Variants in KCNQ1OT1 observed in about 807,000 individuals in gnomAD.
KCNQ1OT1 encodes the protein KCNQ1 antisense RNA 2 (non-protein coding).
At chr11:2,694,665 G>T (rs1364236016) in exon 1 of KCNQ1OT1, 1 of 398,478 alleles carries the variant, frequency 2.5e-6, no homozygotes, top group African/African-American at 2.1e-5. Flanking sequence ...ACCATGTGCG[G>T]ACCCTATACG....
rs770291429 is a variant in KCNQ1OT1, at chr11:2,623,318, G to C, written n.76677C>G. 8 of 398,458 alleles carry C rather than the reference G, an allele frequency of 2.0e-5. No homozygotes were observed. Among genetic ancestry groups the C allele is most frequent in the Non-Finnish European group, 3.5e-5 (8 of 226,064 alleles). The allele number at this position is 398,458 out of a possible 1,614,324, so 24.7% of individuals were successfully genotyped here. A position where few individuals can be genotyped will look rare whatever the true frequency, so the allele number is the denominator to read the frequency against. On this transcript the variant is annotated non_coding_transcript_exon_variant, in exon 1 of 1. Transcript: ENST00000597346. The surrounding 1 kb of genome is among the most constrained non-coding windows in gnomAD (Gnocchi z 5.2). ...TAGTTCTTTATAGCACTGTGAGAAC[G>C]GACTAATATGCATGTATCTACCATT...
exon 1 of KCNQ1OT1, chr11:2,649,963 G>A (rs887847719): frequency 8.3e-5 from 33 of 398,280 alleles, no homozygotes; most frequent in Middle Eastern, 6.2e-4. Flanking sequence ...CATATGTCAC[G>A]CAGGCATTCT....
Position 2,608,617 on chromosome 11 carries a change from A to G in KCNQ1OT1, n.91378T>C, listed in dbSNP as rs1848921306. 2.5e-6 allele frequency: 1 copy of G among 398,434 alleles called. No homozygotes were observed. Among genetic ancestry groups the G allele is most frequent in the South Asian group, 1.3e-4 (1 of 7,858 alleles). The allele number at this position is 398,434 out of a possible 1,614,324, so 24.7% of individuals were successfully genotyped here. A position where few individuals can be genotyped will look rare whatever the true frequency, so the allele number is the denominator to read the frequency against. On this transcript the variant is annotated non_coding_transcript_exon_variant, in exon 1 of 1. Coordinates refer to ENST00000597346, the Ensembl canonical transcript of KCNQ1OT1. This position sits in a 1 kb window ranked among gnomAD's most constrained non-coding sequence, Gnocchi z 4.6. ...TAGCCTATGACAGGTGTGCACCACA[A>G]CACCAGCTGTTATTCAAAAAATATT...
In KCNQ1OT1 at chr11:2,690,105, G is replaced by A. The variant is rs553906406; in HGVS notation, n.9890C>T. ...GCACAGCAGGGACAATCGCTCTTCC[G>A]GGGTTAGAACTGGGGGAGCAGGGAC... On this transcript the variant is annotated non_coding_transcript_exon_variant, in exon 1 of 1. Coordinates refer to ENST00000597346, the Ensembl canonical transcript of KCNQ1OT1. The surrounding 1 kb of genome is among the most constrained non-coding windows in gnomAD (Gnocchi z 5.1). 586 of 398,932 alleles carry A rather than the reference G, an allele frequency of 1.5e-3. 1 individual carries two copies. Among genetic ancestry groups the A allele is most frequent in the Non-Finnish European group, 2.1e-3 (470 of 226,314 alleles). 24.7% of individuals were successfully genotyped at this position (398,932 alleles called of 1,614,324 possible). A position where few individuals can be genotyped will look rare whatever the true frequency, so the allele number is the denominator to read the frequency against.
chr11:2,622,633 C>CT (rs558561618), exon 1 of KCNQ1OT1: 24 of 398,338 alleles, frequency 6.0e-5, no homozygotes, highest in Non-Finnish European at 9.7e-5. Context: ...CCCTTACTGC[C>CT]TTTTTTTGTG....
At chr11:2,634,624 G>C (rs1293350532) in exon 1 of KCNQ1OT1, 1 of 152,098 alleles carries the variant, frequency 6.6e-6, no homozygotes, top group African/African-American at 2.4e-5. Context: ...ATCGTGAATA[G>C]TGCTGCAATA....
Position 2,663,744 on chromosome 11 carries a change from G to T in KCNQ1OT1, n.36251C>A. 1 of 398,678 alleles carries T rather than the reference G, an allele frequency of 2.5e-6. No homozygotes were observed. The highest frequency in any genetic ancestry group is 1.3e-4 in the South Asian group (1 of 7,810). The allele number at this position is 398,678 out of a possible 1,614,324, so 24.7% of individuals were successfully genotyped here. On this transcript the variant is annotated non_coding_transcript_exon_variant, in exon 1 of 1. Coordinates refer to ENST00000597346, the Ensembl canonical transcript of KCNQ1OT1. The surrounding 1 kb of genome is among the most constrained non-coding windows in gnomAD (Gnocchi z 5.2). ...GCCCCTGCAGGTGAAGGTGGTGAGA[G>T]ACCAGGCACTTATGTGGATCACAGC...
At chr11:2,684,663 G>C in exon 1 of KCNQ1OT1, 2 of 398,632 alleles carry the variant, frequency 5.0e-6, no homozygotes, top group Non-Finnish European at 8.8e-6. Context: ...AAGGCTTGTT[G>C]GATGTGCAGG....
exon 1 of KCNQ1OT1, chr11:2,619,991 A>G: frequency 2.5e-6 from 1 of 398,254 alleles, no homozygotes; most frequent in Non-Finnish European, 4.4e-6. Flanking sequence ...AGTACCCAAT[A>G]GGTAGGTTTT....
exon 1 of KCNQ1OT1, chr11:2,644,010 T>C: frequency 2.5e-6 from 1 of 398,582 alleles, no homozygotes. Flanking sequence ...ACAACCTCTT[T>C]TATCGCTGGT....
rs1850292144 is a variant in KCNQ1OT1, at chr11:2,676,238, G to T, written n.23757C>A. Reference sequence around the variant, plus strand: ...ACATACAATGCTGATTTATTATGGTGCAGTACATCTGAGAAGCATTTTTAT... The same window carrying T: ...ACATACAATGCTGATTTATTATGGTTCAGTACATCTGAGAAGCATTTTTAT... On this transcript the variant is annotated non_coding_transcript_exon_variant, in exon 1 of 1. Transcript: ENST00000597346. The surrounding 1 kb of genome is among the most constrained non-coding windows in gnomAD (Gnocchi z 4.2). 1 of 398,480 alleles carries T rather than the reference G, an allele frequency of 2.5e-6. No homozygotes were observed. 24.7% of individuals were successfully genotyped at this position (398,480 alleles called of 1,614,324 possible).
chr11:2,629,927 C>T (rs1431130363), exon 1 of KCNQ1OT1: 2 of 398,178 alleles, frequency 5.0e-6, no homozygotes, highest in Non-Finnish European at 8.9e-6. Context: ...TTTTCTTGCC[C>T]AATTCCTCTG....
At position 2,691,100 on chromosome 11, in the gene KCNQ1OT1, A is replaced by T. The variant is rs1275735448; in HGVS notation, n.8895T>A. ...TTCTAGATGCCTGCAGATTCCTGAC[A>T]ACAGTAGGGGTGGAGGCTGTGCAGA... On this transcript the variant is annotated non_coding_transcript_exon_variant, in exon 1 of 1. Transcript: ENST00000597346. This position sits in a 1 kb window ranked among gnomAD's most constrained non-coding sequence, Gnocchi z 6.4. The T allele has an allele frequency of 5.0e-6, 2 of 398,540 alleles. No homozygotes were observed. The highest frequency in any genetic ancestry group is 7.1e-5 in the East Asian group (2 of 28,090). 24.7% of individuals were successfully genotyped at this position (398,540 alleles called of 1,614,324 possible).
In KCNQ1OT1 at chr11:2,610,102, GCTTT is replaced by G. The variant is rs376444448; in HGVS notation, n.89889_89892del. On this transcript the variant is annotated non_coding_transcript_exon_variant, in exon 1 of 1. Coordinates refer to ENST00000597346, the Ensembl canonical transcript of KCNQ1OT1. ...CTTGTTCCTCTATTTCTCCTTTGCT[GCTTT>G]CTTTTCCATCTAGTGACTACTTTCT... is the stretch of plus-strand genomic sequence containing the variant. The G allele has an allele frequency of 1.8e-3, 698 of 397,610 alleles. 8 individuals carry two copies. The East Asian group carries it at 0.023, about 13-fold the overall frequency. 24.6% of individuals were successfully genotyped at this position (397,610 alleles called of 1,614,324 possible). A position where few individuals can be genotyped will look rare whatever the true frequency, so the allele number is the denominator to read the frequency against.
At chr11:2,648,988 T>C (rs410244) in exon 1 of KCNQ1OT1, 35,507 of 321,962 alleles carry the variant, frequency 0.11, 697 homozygotes, top group Middle Eastern at 0.15. Context: ...TTTCTTTTTT[T>C]TTTTTTTTTT....
At position 2,676,550 on chromosome 11, in the gene KCNQ1OT1, T is replaced by A; in HGVS notation, n.23445A>T. 2.5e-6 allele frequency: 1 copy of A among 398,588 alleles called. No homozygotes were observed. The highest frequency in any genetic ancestry group is 3.6e-5 in the East Asian group (1 of 28,078). 24.7% of individuals were successfully genotyped at this position (398,588 alleles called of 1,614,324 possible). A position where few individuals can be genotyped will look rare whatever the true frequency, so the allele number is the denominator to read the frequency against. On this transcript the variant is annotated non_coding_transcript_exon_variant, in exon 1 of 1. Transcript: ENST00000597346. The surrounding 1 kb of genome is among the most constrained non-coding windows in gnomAD (Gnocchi z 4.2). ...CATAGAGGTAGTGGTACAGGAAAGGTCTAAGAAGGCTAAGGACCATCATAC... is the reference window on the plus strand; with the variant it reads ...CATAGAGGTAGTGGTACAGGAAAGGACTAAGAAGGCTAAGGACCATCATAC...
At position 2,679,111 on chromosome 11, in the gene KCNQ1OT1, T is replaced by C. The variant is rs1446976546; in HGVS notation, n.20884A>G. ...CATAGCTAGAGCTAGAGTGCTGTTA[T>C]AAGCTGTGCAGGCCAAAATGGTTTC... On this transcript the variant is annotated non_coding_transcript_exon_variant, in exon 1 of 1. Coordinates refer to ENST00000597346, the Ensembl canonical transcript of KCNQ1OT1. This position sits in a 1 kb window ranked among gnomAD's most constrained non-coding sequence, Gnocchi z 4.8. 1 of 398,532 alleles carries C rather than the reference T, an allele frequency of 2.5e-6. No individual in the cohort carries two copies. The highest frequency in any genetic ancestry group is 4.4e-6 in the Non-Finnish European group (1 of 226,066). 24.7% of individuals were successfully genotyped at this position (398,532 alleles called of 1,614,324 possible). A position where few individuals can be genotyped will look rare whatever the true frequency, so the allele number is the denominator to read the frequency against.
Position 2,668,512 on chromosome 11 carries a change from T to C in KCNQ1OT1, n.31483A>G, listed in dbSNP as rs1850124105. The C allele has an allele frequency of 2.5e-6, 1 of 398,512 alleles. No homozygotes were observed. The highest frequency in any genetic ancestry group is 4.4e-6 in the Non-Finnish European group (1 of 226,070). 24.7% of individuals were successfully genotyped at this position (398,512 alleles called of 1,614,324 possible). On this transcript the variant is annotated non_coding_transcript_exon_variant, in exon 1 of 1. Transcript: ENST00000597346. The surrounding 1 kb of genome is among the most constrained non-coding windows in gnomAD (Gnocchi z 4.3). ...ATGGTGAATGTCTAGCAGCATCAAATGGTGATTTTAATTTGCAGTAACCTG... is the reference window on the plus strand; with the variant it reads ...ATGGTGAATGTCTAGCAGCATCAAACGGTGATTTTAATTTGCAGTAACCTG...
At chr11:2,630,731 G>A (rs1002099653) in exon 1 of KCNQ1OT1, 1 of 398,360 alleles carries the variant, frequency 2.5e-6, no homozygotes, top group Non-Finnish European at 4.4e-6. Flanking sequence ...ATTTAAGCCT[G>A]AATAACTCCC....
Sources: allele counts gnomAD v4.1 joint callset, GRCh38; gene constraint gnomAD v4.1.1; non-coding constraint Gnocchi (gnomAD v3.1); transcripts MANE v1.5; gene names NCBI Gene and HGNC (gene_info 2026-07-23, HGNC 2026-07-21).